RPRD1A: variants seen among roughly 807,000 people sequenced by gnomAD.
RPRD1A encodes regulation of nuclear pre-mRNA domain-containing protein 1A.
A neutral mutation model predicts 37.8 loss-of-function variants in RPRD1A; 9 were observed. The ratio of observed to expected loss-of-function variants is 0.24; its 90% CI spans 0.14 to 0.42. The LOEUF is 0.42. RPRD1A is among the 10% of genes least tolerant of loss of function. The pLI, the probability that RPRD1A is intolerant of heterozygous loss-of-function variation, is 1.00. For missense variants in RPRD1A, 255 were observed against 371.0 expected (o/e 0.69, Z 2.57); for synonymous variants, 138 against 139.7 (o/e 0.99, Z 0.08).
At chr18:36,059,018 T>C (rs1435058604) in intron 1 of RPRD1A, among the ~76,000 whole-genome samples, 2 of 152,248 alleles carry the variant, frequency 1.3e-5, no homozygotes, top group Non-Finnish European at 2.9e-5. Flanking sequence ...TTAAAAATGT[T>C]ATGTTACGAT....
At position 36,005,982 on chromosome 18, in the gene RPRD1A, A is replaced by C. The variant is rs189317741; in HGVS notation, c.790-12682T>G. On this transcript the variant is annotated intron_variant, in intron 6 of 6. Coordinates refer to ENST00000399022, the MANE Select transcript of RPRD1A (RefSeq NM_018170.5). ...TAATGTATTTTTTCAAATTTCCCTT[A>C]AAGACAGTATGTTAACACTTCTGTG... Among the ~76,000 whole-genome samples the C allele has an allele frequency of 2.6e-3, 390 of 152,270 alleles. 4 individuals are homozygous for C. The highest frequency in any genetic ancestry group is 3.4e-3 in the Middle Eastern group (1 of 294).
chr18:36,067,168 C>T (rs2089048219), intron 1 of RPRD1A, 86 bp downstream of exon 1: 1 of 1,428,276 alleles, frequency 7.0e-7, no homozygotes, highest in African/African-American at 1.4e-5. Context: ...GCCGGGAAGC[C>T]GGGGGCGCTG....
chr18:36,039,297 A>C (rs1020124686), intron 1 of RPRD1A, among the ~76,000 whole-genome samples: 1 of 152,246 alleles, frequency 6.6e-6, no homozygotes, highest in African/African-American at 2.4e-5. Flanking sequence ...AAAATTACCC[A>C]GTCTCAGTTC....
rs1408887719 is a variant in RPRD1A at position 36,030,994 on chromosome 18, G to A, written c.385C>T (p.Leu129=). 1.3e-6 allele frequency: 2 copies of A among 1,592,408 alleles called. No homozygotes were observed. The highest frequency in any genetic ancestry group is 1.8e-5 in the Admixed American group (1 of 55,144). ...GAGATCAGGATTCTACACTTACACAGAGCTTGTTTAAGTTGTTCTAATACA... is the reference window on the plus strand; with the variant it reads ...GAGATCAGGATTCTACACTTACACAAAGCTTGTTTAAGTTGTTCTAATACA... ...NDVLEQLKQA[L]YGDKKPRKRT... Residue 129 remains leucine, a synonymous_variant, in exon 3 of 7, where the codon CTG becomes TTG. Transcript: ENST00000399022.
chr18:36,033,069 C>T (rs1359265761), intron 2 of RPRD1A, among the ~76,000 whole-genome samples: 4 of 151,806 alleles, frequency 2.6e-5, no homozygotes, highest in South Asian at 2.1e-4. Flanking sequence ...TTTGGGAGGC[C>T]GAGGCAGGTG....
At chr18:36,062,990 A>G (rs2088946975) in intron 1 of RPRD1A, 1 of 152,216 alleles carries the variant, frequency 6.6e-6, no homozygotes, top group Admixed American at 6.5e-5. Context: ...TTTTGGTTAC[A>G]CTTTACTGCA....
chr18:36,007,880 G>A (rs1909849284), intron 6 of RPRD1A, among the ~76,000 whole-genome samples: 1 of 152,162 alleles, frequency 6.6e-6, no homozygotes, highest in Admixed American at 6.5e-5. Flanking sequence ...GGAGGTTGCA[G>A]TGAGCCGAGA....
At chr18:36,038,327 T>C (rs1912342405) in intron 1 of RPRD1A, among the ~76,000 whole-genome samples, 1 of 152,238 alleles carries the variant, frequency 6.6e-6, no homozygotes. Context: ...CTGCTCCAGC[T>C]CTAGCCATGG....
chr18:36,013,213 G>A (rs926940540), intron 6 of RPRD1A, among the ~76,000 whole-genome samples: 3 of 152,050 alleles, frequency 2.0e-5, no homozygotes, highest in Non-Finnish European at 4.4e-5. Context: ...CTTCAACAGA[G>A]ACCACAAAAA....
chr18:36,043,957 T>A (rs1312061492), intron 1 of RPRD1A, among the ~76,000 whole-genome samples: 1 of 152,220 alleles, frequency 6.6e-6, no homozygotes, highest in African/African-American at 2.4e-5. Context: ...GCAGAAACTT[T>A]ACTGATAACA....
intron 4 of RPRD1A, among the ~76,000 whole-genome samples, chr18:36,029,090 A>G (rs3826600): frequency 0.27 from 41,611 of 152,078 alleles, 6,153 homozygotes; most frequent in African/African-American, 0.4. Context: ...CAAATGTAAC[A>G]TTCTTATCAC....
chr18:36,056,462 A>G (rs1203901311), intron 1 of RPRD1A, among the ~76,000 whole-genome samples: 1 of 151,930 alleles, frequency 6.6e-6, no homozygotes, highest in African/African-American at 2.4e-5. Context: ...TAAATTTTGT[A>G]TTTTTAGTAG....
At chr18:36,015,173 T>C (rs113304814) in intron 6 of RPRD1A, among the ~76,000 whole-genome samples, 1,925 of 130,926 alleles carry the variant, frequency 0.015, 31 homozygotes, top group African/African-American at 0.03. Context: ...TACACATATA[T>C]ACACACACAC....
chr18:36,040,170 T>C (rs527830741), intron 1 of RPRD1A, among the ~76,000 whole-genome samples: 32 of 152,284 alleles, frequency 2.1e-4, no homozygotes, highest in African/African-American at 7.2e-4. Flanking sequence ...AAAGTTTGAG[T>C]TAGGTGGAAC....
intron 6 of RPRD1A, among the ~76,000 whole-genome samples, chr18:36,005,872 T>A (rs938806704): frequency 6.6e-6 from 1 of 152,182 alleles, no homozygotes; most frequent in Non-Finnish European, 1.5e-5. Context: ...TTTACAACTA[T>A]GTTTACGATG....
intron 6 of RPRD1A, among the ~76,000 whole-genome samples, chr18:36,006,159 A>G (rs1256109329): frequency 6.6e-6 from 1 of 152,218 alleles, no homozygotes; most frequent in Non-Finnish European, 1.5e-5. Context: ...TTAGAGTATC[A>G]TCTCACATAC....
At chr18:36,033,193 T>C (rs1402857656) in intron 2 of RPRD1A, among the ~76,000 whole-genome samples, 1 of 150,280 alleles carries the variant, frequency 6.7e-6, no homozygotes, top group East Asian at 2.0e-4. Context: ...TTCCAGCTAC[T>C]TGCGAGGCTG....
At chr18:36,019,240 C>T (rs1034423864) in intron 6 of RPRD1A, among the ~76,000 whole-genome samples, 1 of 151,516 alleles carries the variant, frequency 6.6e-6, no homozygotes, top group African/African-American at 2.4e-5. Context: ...CCCGAGCAGC[C>T]GGGACTACAG....
chr18:36,000,539 G>C (rs984094398), intron 6 of RPRD1A, among the ~76,000 whole-genome samples: 3 of 152,080 alleles, frequency 2.0e-5, no homozygotes, highest in Non-Finnish European at 4.4e-5. Context: ...CTGTCAACTA[G>C]GTTTTGAAAA....
Sources: allele counts gnomAD v4.1 joint callset (sites outside exome capture counted in the v4.1 genomes callset), GRCh38; gene constraint gnomAD v4.1.1; transcripts MANE v1.5; gene names NCBI Gene and HGNC (gene_info 2026-07-23, HGNC 2026-07-21).